The following AKT3 variants were observed in gnomAD, a reference collection of about 807,000 sequenced individuals.
The protein encoded by AKT3 is RAC-gamma serine/threonine-protein kinase.
Under a neutral mutation model 65.3 loss-of-function variants are expected in AKT3, and 15 were observed. The ratio of observed to expected loss-of-function variants is 0.23; its 90% CI spans 0.15 to 0.35. The LOEUF is 0.35. Ranked by LOEUF, AKT3 falls within the 10% of genes least tolerant of loss-of-function variation. The probability of loss-of-function intolerance (pLI) is 1.00; values close to 1 mark genes in which losing one functional copy is unlikely to be tolerated. For missense variants in AKT3, 243 were observed against 576.5 expected, an observed-to-expected ratio of 0.42 and a Z score of 5.92; for synonymous variants, 206 against 183.8, an observed-to-expected ratio of 1.12 and a Z score of -0.98.
chr1:243,814,582 T>C (rs569802115), intron 2 of AKT3: 1 of 152,298 alleles, frequency 6.6e-6, no homozygotes, highest in Non-Finnish European at 1.5e-5. Flanking sequence ...ATCCTAACAA[T>C]TCATGACCTT....
At chr1:243,655,348 A>G (rs1422273697) in intron 4 of AKT3, among the ~76,000 whole-genome samples, 1 of 152,080 alleles carries the variant, frequency 6.6e-6, no homozygotes, top group Non-Finnish European at 1.5e-5. Context: ...TCTTTTTTAT[A>G]CTTTCCCTCT....
chr1:243,527,325 T>C (rs1162376560), intron 12 of AKT3, among the ~76,000 whole-genome samples: 6 of 152,150 alleles, frequency 3.9e-5, no homozygotes, highest in Admixed American at 3.3e-4. Flanking sequence ...AGAGGCAAGA[T>C]TTTTTCTTCT....
chr1:243,769,154 ATTTCT>A (rs1690016389), intron 2 of AKT3, among the ~76,000 whole-genome samples: 1 of 151,848 alleles, frequency 6.6e-6, no homozygotes, highest in Admixed American at 6.6e-5. Context: ...AGGTTATTTC[ATTTCT>A]TTTCTGTCTG....
chr1:243,686,691 AAAGTCTTGCTCTGTCGCC>A lies in AKT3; in HGVS notation c.172+8882_172+8899del, dbSNP rs1208798332. Among the ~76,000 whole-genome samples, 11 of 71,260 alleles carry A rather than the reference AAAGTCTTGCTCTGTCGCC, an allele frequency of 1.5e-4. No homozygotes were observed. In the East Asian group the frequency reaches 4.1e-3, roughly 26 times the overall value. 46.7% of individuals were successfully genotyped at this position (71,260 alleles called of 152,430 possible). A position where few individuals can be genotyped will look rare whatever the true frequency, so the allele number is the denominator to read the frequency against. ...TTTTTTTTTTTTTTTTTTTTGAGAC[AAAGTCTTGCTCTGTCGCC>A]AAGGCTTGAGTACAGTGGCATGGTC... On this transcript the variant is annotated intron_variant, in intron 3 of 13. Transcript: ENST00000673466.
intron 2 of AKT3, among the ~76,000 whole-genome samples, chr1:243,716,484 G>T (rs188152775): frequency 5.3e-5 from 8 of 152,234 alleles, no homozygotes; most frequent in Admixed American, 5.2e-4. Flanking sequence ...AGAAAATAAT[G>T]CAGTGGTCTA....
intron 2 of AKT3, among the ~76,000 whole-genome samples, chr1:243,813,321 T>C (rs1438574156): frequency 6.6e-6 from 1 of 152,108 alleles, no homozygotes; most frequent in Non-Finnish European, 1.5e-5. Context: ...ATTCAGAATG[T>C]GGGATATTCA....
rs150885066 is a variant in AKT3, at chr1:243,586,511, G to GTA, written c.697-13465_697-13464dup. Among the ~76,000 whole-genome samples the GTA allele has an allele frequency of 1.1e-3, 161 of 151,506 alleles. 1 individual carries two copies. The East Asian group carries it at 0.017, about 16-fold the overall frequency. On this transcript the variant is annotated intron_variant, in intron 8 of 13. Coordinates refer to ENST00000673466, the MANE Select transcript of AKT3 (RefSeq NM_005465.7). ...ATAGACCGGATTAAGAAAATGTGGT[G>GTA]TATATATATATATGCCATGGAATAC... is the stretch of plus-strand genomic sequence containing the variant.
chr1:243,754,958 G>A (rs1321955930), intron 2 of AKT3, among the ~76,000 whole-genome samples: 1 of 152,196 alleles, frequency 6.6e-6, no homozygotes, highest in Admixed American at 6.5e-5. Context: ...ATTCCATGAA[G>A]TCAAGAACCC....
At chr1:243,736,068 T>C (rs1188373138) in intron 2 of AKT3, among the ~76,000 whole-genome samples, 4 of 152,268 alleles carry the variant, frequency 2.6e-5, no homozygotes, top group East Asian at 1.9e-4. Flanking sequence ...ATGCAAGTGC[T>C]AGACAGAAAG....
chr1:243,801,047 T>C (rs529421735), intron 2 of AKT3, among the ~76,000 whole-genome samples: 6 of 152,206 alleles, frequency 3.9e-5, no homozygotes, highest in Non-Finnish European at 8.8e-5. Flanking sequence ...CCATCTAGCC[T>C]ACCCAAAACT....
intron 8 of AKT3, chr1:243,612,341 C>T (rs1286133535): frequency 2.0e-5 from 3 of 152,082 alleles, no homozygotes; most frequent in Non-Finnish European, 2.9e-5. Flanking sequence ...TCTCAAACTC[C>T]TGAGCTCAAG....
At chr1:243,746,886 G>A (rs1186562255) in intron 2 of AKT3, among the ~76,000 whole-genome samples, 1 of 147,882 alleles carries the variant, frequency 6.8e-6, no homozygotes, top group Non-Finnish European at 1.5e-5. Context: ...TTGTCATGAA[G>A]AACATGAACA....
chr1:243,505,630 G>A (rs1304480697), intron 13 of AKT3, among the ~76,000 whole-genome samples: 1 of 152,124 alleles, frequency 6.6e-6, no homozygotes, highest in African/African-American at 2.4e-5. Context: ...TTTTAAGAAG[G>A]AGCAGTCTTC....
At chr1:243,737,525 A>C (rs1385387121) in intron 2 of AKT3, among the ~76,000 whole-genome samples, 1 of 152,206 alleles carries the variant, frequency 6.6e-6, no homozygotes, top group Non-Finnish European at 1.5e-5. Flanking sequence ...AAAGAAAAGA[A>C]CTAATGAAGA....
At chr1:243,710,149 T>G (rs557503288) in intron 2 of AKT3, among the ~76,000 whole-genome samples, 32 of 152,256 alleles carry the variant, frequency 2.1e-4, no homozygotes, top group African/African-American at 7.7e-4. Flanking sequence ...CAAATATACA[T>G]TAAAGCTAGA....
intron 13 of AKT3, among the ~76,000 whole-genome samples, chr1:243,509,896 T>C (rs528979139): frequency 6.6e-6 from 1 of 152,138 alleles, no homozygotes; most frequent in East Asian, 1.9e-4. Context: ...CGCCCAGAAC[T>C]GTAAGGGGCA....
At chr1:243,655,156 C>A (rs1681667445) in intron 4 of AKT3, among the ~76,000 whole-genome samples, 1 of 151,936 alleles carries the variant, frequency 6.6e-6, no homozygotes, top group Non-Finnish European at 1.5e-5. Context: ...TCACTATAAA[C>A]GTTCTGTTCT....
chr1:243,546,650 C>G (rs1672696037), intron 11 of AKT3: 1 of 151,834 alleles, frequency 6.6e-6, no homozygotes, highest in South Asian at 2.1e-4. Flanking sequence ...CAGAGCAGAG[C>G]AGCCATGGAG....
In AKT3 at chr1:243,501,343, T is replaced by G. The variant is rs1348748650; in HGVS notation, c.*3906A>C. 4.3e-6 allele frequency: 1 copy of G among 233,118 alleles called. No homozygotes were observed. The highest frequency in any genetic ancestry group is 8.5e-6 in the Non-Finnish European group (1 of 118,020). 14.4% of individuals were successfully genotyped at this position (233,118 alleles called of 1,614,324 possible). ...GAAATACACTCTAAGAAAGGAAATA[T>G]GCAGAGCAGTACATTATCAGGAAGA... On this transcript the variant is annotated 3_prime_UTR_variant, in exon 14 of 14. Transcript: ENST00000673466.
Sources: gnomAD v4.1 joint callset for allele counts (sites outside exome capture counted in the v4.1 genomes callset) on GRCh38, gnomAD v4.1.1 for gene constraint, MANE v1.5 for transcripts, NCBI Gene and HGNC (gene_info 2026-07-23, HGNC 2026-07-21) for gene names.